Variants in NRG1 observed in about 807,000 individuals in gnomAD.
The protein encoded by NRG1 is neuregulin 1, also known as pro-neuregulin-1, membrane-bound isoform.
NRG1 carries 18 observed loss-of-function variants against 63.8 expected under a neutral mutation model. The ratio of observed to expected loss-of-function variants is 0.28; its 90% CI spans 0.19 to 0.42. NRG1 has a LOEUF of 0.42. NRG1 is among the 10% of genes least tolerant of loss of function. NRG1 has a pLI of 1.00. For synonymous variants in NRG1, 302 were observed against 301.3 expected, an observed-to-expected ratio of 1.00 and a Z score of -0.02; for missense variants, 762 against 814.7, an observed-to-expected ratio of 0.94 and a Z score of 0.79.
chr8:32,439,342 T>C (rs1439439289), intron 1 of NRG1, among the ~76,000 whole-genome samples: 1 of 152,234 alleles, frequency 6.6e-6, no homozygotes, highest in Non-Finnish European at 1.5e-5. Flanking sequence ...TTCAGGGACT[T>C]ACATTTTACT....
intron 1 of NRG1, among the ~76,000 whole-genome samples, chr8:31,918,249 G>A (rs149929587): frequency 0.027 from 4,134 of 152,306 alleles, 77 homozygotes; most frequent in Non-Finnish European, 0.04. Flanking sequence ...TTGAATAGTA[G>A]TGGTGAGAGA....
intron 1 of NRG1, among the ~76,000 whole-genome samples, chr8:32,286,902 C>T (rs559655453): frequency 7.0e-4 from 107 of 152,224 alleles, no homozygotes; most frequent in African/African-American, 2.4e-3. Flanking sequence ...GAGGCTGAGG[C>T]AGGAGAATTA....
At chr8:32,042,755 T>TA (rs142622507) in intron 1 of NRG1, among the ~76,000 whole-genome samples, 8,437 of 150,904 alleles carry the variant, frequency 0.056, 772 homozygotes, top group African/African-American at 0.19. Context: ...ATAACTCAAT[T>TA]AAAAAAAAAC....
intron 5 of NRG1, among the ~76,000 whole-genome samples, chr8:32,691,477 C>G (rs2128937156): frequency 6.6e-6 from 1 of 152,156 alleles, no homozygotes; most frequent in East Asian, 1.9e-4. Context: ...TTTTCCAGGA[C>G]CACATTTCTT....
chr8:32,621,186 T>C (rs1394994043), intron 5 of NRG1, among the ~76,000 whole-genome samples: 2 of 152,198 alleles, frequency 1.3e-5, no homozygotes, highest in Non-Finnish European at 2.9e-5. Flanking sequence ...GTTCATTCAC[T>C]AGTTTAGAGT....
rs969520802 is a variant in NRG1, at chr8:31,721,025, A to G, written c.37+81594A>G. The stretch of plus-strand genomic sequence containing the variant: ...CTCTGCTCCACCAAATAAATCACAT[A>G]TGACTAGAAATTGCAACCAGACAGC... On this transcript the variant is annotated intron_variant, in intron 1 of 10. Coordinates refer to the NRG1 transcript ENST00000519301. 2.6e-5 allele frequency among the ~76,000 whole-genome samples: 4 copies of G among 152,272 alleles called. No individual in the cohort carries two copies. In the East Asian group the frequency reaches 7.7e-4, roughly 29 times the overall value.
intron 1 of NRG1, among the ~76,000 whole-genome samples, chr8:32,299,025 C>CAAAAA (rs34799826): frequency 9.6e-4 from 57 of 59,314 alleles, no homozygotes; most frequent in Non-Finnish European, 1.3e-3. Flanking sequence ...GACTCTATCT[C>CAAAAA]AAAAAAAAAA....
intron 1 of NRG1, among the ~76,000 whole-genome samples, chr8:32,315,887 T>A (rs1436562000): frequency 6.9e-6 from 1 of 145,978 alleles, no homozygotes; most frequent in Non-Finnish European, 1.5e-5. Context: ...GTATGTGTTA[T>A]TTCATTTATA....
intron 1 of NRG1, among the ~76,000 whole-genome samples, chr8:32,222,155 T>A (rs1976122): frequency 0.043 from 6,591 of 152,080 alleles, 453 homozygotes; most frequent in African/African-American, 0.15. Context: ...GGGTCTCCAA[T>A]AAGATTTTTC....
At chr8:32,072,275 T>G (rs989893209) in intron 1 of NRG1, among the ~76,000 whole-genome samples, 24 of 149,798 alleles carry the variant, frequency 1.6e-4, no homozygotes, top group African/African-American at 5.6e-4. Context: ...ACCCAAAACC[T>G]TGTGATTGAA....
chr8:32,389,118 G>A (rs1290415781), intron 1 of NRG1, among the ~76,000 whole-genome samples: 1 of 152,170 alleles, frequency 6.6e-6, no homozygotes, highest in Non-Finnish European at 1.5e-5. Flanking sequence ...CGTCTGTCCA[G>A]CACATCATTG....
At chr8:31,903,517 G>A (rs1034418651) in intron 1 of NRG1, among the ~76,000 whole-genome samples, 8 of 152,004 alleles carry the variant, frequency 5.3e-5, no homozygotes, top group African/African-American at 1.9e-4. Flanking sequence ...CATCTCCATT[G>A]TGCTCTGTCT....
chr8:31,709,113 C>T (rs2131240463), intron 1 of NRG1, among the ~76,000 whole-genome samples: 1 of 151,408 alleles, frequency 6.6e-6, no homozygotes, highest in South Asian at 2.1e-4. Context: ...TTTTGGAGTT[C>T]AGACCCATGT....
intron 1 of NRG1, among the ~76,000 whole-genome samples, chr8:32,057,907 T>A (rs564900111): frequency 3.3e-5 from 5 of 152,254 alleles, no homozygotes; most frequent in African/African-American, 4.8e-5. Context: ...TTTTTGCAAT[T>A]CAGAAAAATG....
intron 1 of NRG1, among the ~76,000 whole-genome samples, chr8:32,260,229 T>A (rs968273220): frequency 2.0e-5 from 3 of 152,180 alleles, no homozygotes; most frequent in Admixed American, 6.6e-5. Context: ...AGCTCTCCAG[T>A]GAAAAGCATG....
chr8:32,341,020 G>A (rs1166188124), intron 1 of NRG1, among the ~76,000 whole-genome samples: 2 of 152,140 alleles, frequency 1.3e-5, no homozygotes, highest in African/African-American at 4.8e-5. Flanking sequence ...ATAACAATAC[G>A]TGAGAGATGT....
chr8:31,929,326 C>T (rs1834673246), intron 1 of NRG1, among the ~76,000 whole-genome samples: 1 of 151,978 alleles, frequency 6.6e-6, no homozygotes, highest in African/African-American at 2.4e-5. Context: ...ATAAACCTGG[C>T]TAAACTTTTA....
chr8:32,010,375 C>T (rs1259265831), intron 1 of NRG1, among the ~76,000 whole-genome samples: 1 of 152,006 alleles, frequency 6.6e-6, no homozygotes, highest in Non-Finnish European at 1.5e-5. Context: ...TACAATATAT[C>T]TTTCCTTTCA....
chr8:31,854,134 G>A (rs1404008063), intron 1 of NRG1, among the ~76,000 whole-genome samples: 6 of 151,998 alleles, frequency 3.9e-5, no homozygotes, highest in Non-Finnish European at 8.8e-5. Flanking sequence ...CATAAAATGA[G>A]TTAGAGAGGA....
Sources: gnomAD v4.1 joint callset for allele counts (sites outside exome capture counted in the v4.1 genomes callset) on GRCh38, gnomAD v4.1.1 for gene constraint, MANE v1.5 for transcripts, NCBI Gene and HGNC (gene_info 2026-07-23, HGNC 2026-07-21) for gene names.